TAFA4: variants seen among roughly 807,000 people sequenced by gnomAD.
TAFA4 encodes the protein TAFA chemokine like family member 4.
A neutral mutation model predicts 21.1 loss-of-function variants in TAFA4; 20 were observed. The observed-to-expected ratio is 0.95, with a 90% CI of 0.67 to 1.38. The LOEUF (loss-of-function observed/expected upper bound fraction) is 1.38. Ranked by LOEUF, TAFA4 falls within the 40% of genes most tolerant of loss-of-function variation. The pLI, the probability that TAFA4 is intolerant of heterozygous loss-of-function variation, is 0.00. For synonymous variants in TAFA4, 71 were observed against 67.4 expected, an observed-to-expected ratio of 1.05 and a Z score of -0.26; for missense variants, 211 against 180.9, an observed-to-expected ratio of 1.17 and a Z score of -0.95.
chr3:68,800,019 A>G (rs1445336945), intron 3 of TAFA4, among the ~76,000 whole-genome samples: 1 of 152,070 alleles, frequency 6.6e-6, no homozygotes, highest in East Asian at 1.9e-4. Flanking sequence ...ATGCCTAATG[A>G]TTTGTTACTG....
At chr3:68,828,813 T>A (rs559511585) in intron 3 of TAFA4, among the ~76,000 whole-genome samples, 3 of 152,302 alleles carry the variant, frequency 2.0e-5, no homozygotes, top group African/African-American at 7.2e-5. Context: ...TACAATCGTG[T>A]CATGTGCAAA....
intron 5 of TAFA4, 108 bp from the exon 6 acceptor site, chr3:68,733,261 GTA>G: frequency 7.1e-7 from 1 of 1,400,304 alleles, no homozygotes; most frequent in Non-Finnish European, 9.7e-7. Flanking sequence ...TTATCAGTTT[GTA>G]CATTTACCTA....
intron 3 of TAFA4, among the ~76,000 whole-genome samples, chr3:68,808,466 C>A (rs1559527780): frequency 6.6e-6 from 1 of 152,142 alleles, no homozygotes. Context: ...CTAGACCCAA[C>A]CTACCTTAAA....
chr3:68,800,486 T>G (rs1703553827), intron 3 of TAFA4, among the ~76,000 whole-genome samples: 1 of 152,230 alleles, frequency 6.6e-6, no homozygotes, highest in Non-Finnish European at 1.5e-5. Context: ...CCCAGTCACT[T>G]ACAGAATCAA....
chr3:68,905,420 G>A (rs375691291), intron 1 of TAFA4, among the ~76,000 whole-genome samples: 2 of 152,042 alleles, frequency 1.3e-5, no homozygotes, highest in South Asian at 2.1e-4. Flanking sequence ...CGTCCGCCTC[G>A]GCCTCCCAAA....
At chr3:68,829,604 G>T (rs190562123) in intron 3 of TAFA4, among the ~76,000 whole-genome samples, 1 of 152,144 alleles carries the variant, frequency 6.6e-6, no homozygotes, top group Admixed American at 6.5e-5. Context: ...ATTTTATGGC[G>T]GATTTTCGCA....
chr3:68,879,423 G>A (rs892584838), intron 3 of TAFA4, among the ~76,000 whole-genome samples: 26 of 152,078 alleles, frequency 1.7e-4, no homozygotes, highest in Non-Finnish European at 1.2e-4. Flanking sequence ...AGCATGAATG[G>A]GAGTGGGTGG....
chr3:68,902,127 G>A (rs1007349385), intron 1 of TAFA4, among the ~76,000 whole-genome samples: 1 of 152,136 alleles, frequency 6.6e-6, no homozygotes, highest in African/African-American at 2.4e-5. Flanking sequence ...TGAGGCAGTT[G>A]CTATCAGTAT....
chr3:68,831,426 T>C (rs966709438), intron 3 of TAFA4, among the ~76,000 whole-genome samples: 9 of 152,210 alleles, frequency 5.9e-5, no homozygotes, highest in Admixed American at 1.3e-4. Flanking sequence ...TAAAGGATTT[T>C]ATTTCTCCTT....
At chr3:68,923,785 C>T (rs2090081341) in intron 1 of TAFA4, among the ~76,000 whole-genome samples, 1 of 152,010 alleles carries the variant, frequency 6.6e-6, no homozygotes. Context: ...CCCAACCACG[C>T]CTGGGCCATA....
At chr3:68,838,269 T>C (rs1704569506) in intron 3 of TAFA4, among the ~76,000 whole-genome samples, 1 of 152,178 alleles carries the variant, frequency 6.6e-6, no homozygotes. Flanking sequence ...TCATGGTGCC[T>C]CCATGGCTAG....
At chr3:68,797,924 A>C (rs1287159737) in intron 3 of TAFA4, among the ~76,000 whole-genome samples, 1 of 152,230 alleles carries the variant, frequency 6.6e-6, no homozygotes, top group Non-Finnish European at 1.5e-5. Context: ...CTATACACTT[A>C]AAAATTGGTA....
At chr3:68,832,411 T>A (rs1704421867) in intron 3 of TAFA4, among the ~76,000 whole-genome samples, 1 of 152,188 alleles carries the variant, frequency 6.6e-6, no homozygotes, top group Non-Finnish European at 1.5e-5. Flanking sequence ...CCTTTCTGTT[T>A]GTTAGTTTTC....
intron 3 of TAFA4, among the ~76,000 whole-genome samples, chr3:68,857,207 GT>G (rs1705090383): frequency 6.6e-6 from 1 of 152,036 alleles, no homozygotes; most frequent in Non-Finnish European, 1.5e-5. Flanking sequence ...ACTGCCAAAC[GT>G]TGTCATGTAG....
At chr3:68,834,716 C>G (rs537464088) in intron 3 of TAFA4, among the ~76,000 whole-genome samples, 1 of 152,120 alleles carries the variant, frequency 6.6e-6, no homozygotes, top group Non-Finnish European at 1.5e-5. Context: ...AGACGGGCAT[C>G]CTCCTTGATT....
intron 3 of TAFA4, among the ~76,000 whole-genome samples, chr3:68,872,117 A>G (rs1401377122): frequency 6.6e-6 from 1 of 152,136 alleles, no homozygotes; most frequent in Non-Finnish European, 1.5e-5. Context: ...TATTGCAGCC[A>G]TATTTACAGC....
intron 5 of TAFA4, among the ~76,000 whole-genome samples, chr3:68,738,689 C>G (rs574588308): frequency 6.2e-4 from 94 of 152,270 alleles, no homozygotes; most frequent in African/African-American, 2.2e-3. Flanking sequence ...ATAAGAATCT[C>G]CAACCATTAA....
intron 4 of TAFA4, among the ~76,000 whole-genome samples, chr3:68,749,240 GT>G (rs1256845440): frequency 1.3e-5 from 2 of 152,148 alleles, no homozygotes; most frequent in Admixed American, 1.3e-4. Context: ...ATAATCTATG[GT>G]TTTATAGAAA....
chr3:68,815,360 A>G (rs1301012618), intron 3 of TAFA4, among the ~76,000 whole-genome samples: 4 of 152,222 alleles, frequency 2.6e-5, no homozygotes, highest in Non-Finnish European at 5.9e-5. Flanking sequence ...AGAAACTACC[A>G]TCAGAGTGAA....
Sources: gnomAD v4.1 joint callset for allele counts (sites outside exome capture counted in the v4.1 genomes callset) on GRCh38, gnomAD v4.1.1 for gene constraint, MANE v1.5 for transcripts, NCBI Gene and HGNC (gene_info 2026-07-23, HGNC 2026-07-21) for gene names.